PRELID2: variants seen among roughly 807,000 people sequenced by gnomAD.
The protein encoded by PRELID2 is PRELI domain-containing protein 2.
A neutral mutation model predicts 28.4 loss-of-function variants in PRELID2; 25 were observed. The ratio of observed to expected loss-of-function variants is 0.88; its 90% CI spans 0.64 to 1.23. The LOEUF (loss-of-function observed/expected upper bound fraction) is 1.23. Ranked by LOEUF, PRELID2 falls within the 50% of genes most tolerant of loss-of-function variation. PRELID2 has a pLI of 0.00. For missense variants in PRELID2, 201 were observed against 214.4 expected (o/e 0.94, Z 0.39); for synonymous variants, 76 against 71.6 (o/e 1.06, Z -0.31).
the PRELID2 span, among the ~76,000 whole-genome samples, chr5:145,419,862 A>G: frequency 6.6e-6 from 1 of 151,932 alleles, no homozygotes; most frequent in African/African-American, 2.4e-5. Context: ...TTATGGTTTT[A>G]GGTCTAACAT....
At chr5:145,291,660 A>T in the PRELID2 span, among the ~76,000 whole-genome samples, 3 of 152,086 alleles carry the variant, frequency 2.0e-5, no homozygotes, top group Admixed American at 2.0e-4. Context: ...TCTTTTCTTT[A>T]AAGGATTATG....
the PRELID2 span, among the ~76,000 whole-genome samples, chr5:145,423,484 T>C: frequency 6.6e-6 from 1 of 152,046 alleles, no homozygotes; most frequent in Non-Finnish European, 1.5e-5. Context: ...ATTTCATTCA[T>C]TTCATCTTCC....
chr5:145,284,025 T>C, the PRELID2 span, among the ~76,000 whole-genome samples: 1 of 152,142 alleles, frequency 6.6e-6, no homozygotes, highest in African/African-American at 2.4e-5. Flanking sequence ...GAGATCTTGG[T>C]TTAAAATCCG....
At chr5:145,239,550 A>C in the PRELID2 span, among the ~76,000 whole-genome samples, 1 of 151,912 alleles carries the variant, frequency 6.6e-6, no homozygotes, top group Admixed American at 6.6e-5. Flanking sequence ...CAATTATAAT[A>C]AATATAATGC....
intron 1 of PRELID2, among the ~76,000 whole-genome samples, chr5:145,676,232 A>T (rs1250879006): frequency 2.7e-5 from 4 of 147,642 alleles, no homozygotes; most frequent in African/African-American, 7.8e-5. Flanking sequence ...AAAAAAAAAA[A>T]AAAAAAAAAA....
At chr5:145,711,313 T>C (rs1284710540) in intron 1 of PRELID2, among the ~76,000 whole-genome samples, 1 of 152,156 alleles carries the variant, frequency 6.6e-6, no homozygotes, top group Non-Finnish European at 1.5e-5. Context: ...TTAAAAATCT[T>C]GGGTTGCAAA....
intron 1 of PRELID2, among the ~76,000 whole-genome samples, chr5:145,508,341 C>A (rs1032743729): frequency 6.6e-6 from 1 of 151,906 alleles, no homozygotes; most frequent in African/African-American, 2.4e-5. Flanking sequence ...TTTTTCTCCA[C>A]ATTGTTGAAG....
chr5:145,258,751 A>G, the PRELID2 span, among the ~76,000 whole-genome samples: 3 of 152,198 alleles, frequency 2.0e-5, no homozygotes, highest in Admixed American at 2.0e-4. Flanking sequence ...GGTAGAAAAG[A>G]AAAGCCCATT....
chr5:145,603,136 T>C (rs925554305), intron 1 of PRELID2, among the ~76,000 whole-genome samples: 2 of 146,472 alleles, frequency 1.4e-5, no homozygotes, highest in Non-Finnish European at 2.9e-5. Flanking sequence ...TACATGTAAT[T>C]GGAGTCCTGA....
chr5:145,480,415 C>T (rs1424693745), intron 1 of PRELID2, among the ~76,000 whole-genome samples: 3 of 151,902 alleles, frequency 2.0e-5, no homozygotes, highest in Non-Finnish European at 4.4e-5. Flanking sequence ...CAGGGTGTTT[C>T]CTAGATATTA....
intron 5 of PRELID2, among the ~76,000 whole-genome samples, chr5:145,781,762 CTA>C (rs112358316): frequency 0.084 from 11,941 of 142,462 alleles, 1,206 homozygotes; most frequent in African/African-American, 0.24. Context: ...TATATATACA[CTA>C]TATATATATA....
the PRELID2 span, chr5:145,229,154 G>A: frequency 2.0e-6 from 2 of 998,942 alleles, no homozygotes; most frequent in East Asian, 2.4e-5. Context: ...CCAAGTGTGT[G>A]TCCCACAGCC....
chr5:145,600,434 A>AATATATATATATATATATATAT (rs1299956414), intron 1 of PRELID2, among the ~76,000 whole-genome samples: 1 of 120,116 alleles, frequency 8.3e-6, no homozygotes, highest in African/African-American at 4.1e-5. Flanking sequence ...AAAAAAAAAA[A>AATATATATATATATATATATAT]ATATATATAT....
At chr5:145,412,703 T>A in the PRELID2 span, among the ~76,000 whole-genome samples, 1 of 152,140 alleles carries the variant, frequency 6.6e-6, no homozygotes, top group Non-Finnish European at 1.5e-5. Context: ...AGCTCCCCAC[T>A]CCTGGTACCA....
the PRELID2 span, among the ~76,000 whole-genome samples, chr5:145,247,113 C>T: frequency 6.6e-5 from 10 of 152,116 alleles, no homozygotes; most frequent in Admixed American, 3.9e-4. Context: ...TCAGCTGACA[C>T]CACACCCAGA....
chr5:145,357,619 G>A, the PRELID2 span, among the ~76,000 whole-genome samples: 1 of 152,070 alleles, frequency 6.6e-6, no homozygotes, highest in African/African-American at 2.4e-5. Context: ...TATTAAAACA[G>A]CCATTTCATC....
At chr5:145,631,942 G>A (rs185539829) in intron 1 of PRELID2, among the ~76,000 whole-genome samples, 10 of 152,226 alleles carry the variant, frequency 6.6e-5, no homozygotes, top group Non-Finnish European at 7.4e-5. Flanking sequence ...CCTGCAAACA[G>A]GGAAATCAGT....
chr5:145,558,998 T>A, intron 1 of PRELID2, among the ~76,000 whole-genome samples: 1 of 152,222 alleles, frequency 6.6e-6, no homozygotes, highest in East Asian at 1.9e-4. Flanking sequence ...CTCACGCCTG[T>A]AATCCCAGCA....
At chr5:145,550,140 A>G (rs976263758) in intron 1 of PRELID2, among the ~76,000 whole-genome samples, 4 of 152,214 alleles carry the variant, frequency 2.6e-5, no homozygotes, top group African/African-American at 9.6e-5. Flanking sequence ...TTACTGCTGA[A>G]GAAGGGAAGA....
Sources: gnomAD v4.1 joint callset for allele counts (sites outside exome capture counted in the v4.1 genomes callset) on GRCh38, gnomAD v4.1.1 for gene constraint, MANE v1.5 for transcripts, NCBI Gene and HGNC (gene_info 2026-07-23, HGNC 2026-07-21) for gene names.